The following EFNA5 variants were observed in gnomAD, a reference collection of about 807,000 sequenced individuals.
EFNA5 encodes the protein ephrin A5.
EFNA5 carries 5 observed loss-of-function variants against 22.9 expected under a neutral mutation model. The ratio of observed to expected loss-of-function variants is 0.22; its 90% CI spans 0.11 to 0.46. EFNA5 has a LOEUF of 0.46. Ranked by LOEUF, EFNA5 falls within the 20% of genes least tolerant of loss-of-function variation. EFNA5 has a pLI of 0.99. For synonymous variants in EFNA5, 113 were observed against 112.2 expected (o/e 1.01, Z -0.04); for missense variants, 237 against 293.3 (o/e 0.81, Z 1.40).
At chr5:107,468,705 T>G (rs1267356397) in intron 1 of EFNA5, among the ~76,000 whole-genome samples, 1 of 152,108 alleles carries the variant, frequency 6.6e-6, no homozygotes, top group Non-Finnish European at 1.5e-5. Flanking sequence ...ACATTAAAAC[T>G]CATGAAATTA....
chr5:107,610,454 A>T (rs1749804274), intron 1 of EFNA5, among the ~76,000 whole-genome samples: 1 of 152,178 alleles, frequency 6.6e-6, no homozygotes, highest in South Asian at 2.1e-4. Context: ...ATACAGCCAA[A>T]CACGTTACGT....
At chr5:107,587,995 AAAAG>A in intron 1 of EFNA5, among the ~76,000 whole-genome samples, 1 of 152,198 alleles carries the variant, frequency 6.6e-6, no homozygotes. Context: ...CAACGTGCAC[AAAAG>A]AAAGTAACTA....
chr5:107,554,898 C>T (rs779959867), intron 1 of EFNA5, among the ~76,000 whole-genome samples: 5 of 152,194 alleles, frequency 3.3e-5, no homozygotes, highest in African/African-American at 7.2e-5. Flanking sequence ...TTTACTACTA[C>T]GTTCTGCAAC....
At chr5:107,600,799 T>C (rs1749576112) in intron 1 of EFNA5, among the ~76,000 whole-genome samples, 1 of 152,164 alleles carries the variant, frequency 6.6e-6, no homozygotes, top group South Asian at 2.1e-4. Context: ...AAAATGTTTC[T>C]CTCTTAATAT....
chr5:107,662,274 AC>A (rs937063277), intron 1 of EFNA5, among the ~76,000 whole-genome samples: 1 of 152,158 alleles, frequency 6.6e-6, no homozygotes, highest in Non-Finnish European at 1.5e-5. Context: ...TACATCTACA[AC>A]CACCCAAAAT....
intron 1 of EFNA5, among the ~76,000 whole-genome samples, chr5:107,471,943 G>A (rs1750152249): frequency 6.6e-6 from 1 of 152,266 alleles, no homozygotes; most frequent in East Asian, 1.9e-4. Flanking sequence ...CATTTAATAA[G>A]TTATATCCAT....
intron 1 of EFNA5, among the ~76,000 whole-genome samples, chr5:107,595,400 C>T (rs1749452948): frequency 6.6e-6 from 1 of 151,752 alleles, no homozygotes; most frequent in African/African-American, 2.4e-5. Context: ...TACCAAACCC[C>T]AATAATTAAA....
At chr5:107,561,906 T>C (rs998442554) in intron 1 of EFNA5, among the ~76,000 whole-genome samples, 3 of 152,204 alleles carry the variant, frequency 2.0e-5, no homozygotes, top group African/African-American at 7.2e-5. Flanking sequence ...TAAGTGAATA[T>C]ATAAATATAT....
At chr5:107,426,950 G>T (rs867832125) in intron 2 of EFNA5, 9 of 375,572 alleles carry the variant, frequency 2.4e-5, no homozygotes, top group Middle Eastern at 6.2e-4. Context: ...AGAAGTCCTG[G>T]CAATTTTCAT....
chr5:107,640,577 C>T (rs1241655799), intron 1 of EFNA5, among the ~76,000 whole-genome samples: 4 of 152,108 alleles, frequency 2.6e-5, no homozygotes, highest in African/African-American at 4.8e-5. Flanking sequence ...GCCTGAGGGG[C>T]GAATCCTTAC....
intron 1 of EFNA5, among the ~76,000 whole-genome samples, chr5:107,569,549 A>G (rs1349718348): frequency 1.3e-4 from 16 of 122,608 alleles, no homozygotes; most frequent in Non-Finnish European, 1.7e-4. Context: ...ATATGTGTGT[A>G]TATATATATT....
chr5:107,417,659 G>C (rs1748537891), intron 2 of EFNA5, among the ~76,000 whole-genome samples: 1 of 152,168 alleles, frequency 6.6e-6, no homozygotes, highest in Non-Finnish European at 1.5e-5. Flanking sequence ...TTTGAGAATT[G>C]CTTCCCAAAA....
chr5:107,450,164 G>A (rs940876994), intron 1 of EFNA5, among the ~76,000 whole-genome samples: 5 of 152,188 alleles, frequency 3.3e-5, no homozygotes, highest in African/African-American at 9.7e-5. Flanking sequence ...GGGGAGTTGT[G>A]AGAGAGGGAA....
chr5:107,629,563 G>A lies in EFNA5; in HGVS notation c.125+40926C>T, dbSNP rs1750201157. ...ATTGTAACAAACGTACCACTGTGGTGAGGGATGTTGATAATGGGAGAAGCT... is the reference window on the plus strand; with the variant it reads ...ATTGTAACAAACGTACCACTGTGGTAAGGGATGTTGATAATGGGAGAAGCT... On this transcript the variant is annotated intron_variant, in intron 1 of 4. Transcript: ENST00000333274. Among the ~76,000 whole-genome samples, 3 of 152,332 alleles carry A rather than the reference G, an allele frequency of 2.0e-5. No homozygotes were observed. The South Asian group carries it at 6.2e-4, about 32-fold the overall frequency.
chr5:107,569,471 A>ATGTGTG (rs1336635418), intron 1 of EFNA5, among the ~76,000 whole-genome samples: 1 of 136,380 alleles, frequency 7.3e-6, no homozygotes, highest in African/African-American at 2.9e-5. Flanking sequence ...ATATTTATAT[A>ATGTGTG]TATGTGTATA....
At chr5:107,446,020 GTC>G (rs1164559898) in intron 1 of EFNA5, among the ~76,000 whole-genome samples, 1 of 152,196 alleles carries the variant, frequency 6.6e-6, no homozygotes, top group Non-Finnish European at 1.5e-5. Flanking sequence ...ATACACAGTT[GTC>G]TGCCTATCTT....
At chr5:107,615,229 A>G (rs994376188) in intron 1 of EFNA5, among the ~76,000 whole-genome samples, 9 of 152,152 alleles carry the variant, frequency 5.9e-5, no homozygotes, top group African/African-American at 2.2e-4. Context: ...AGACTAAAGT[A>G]GCATATTAAC....
At chr5:107,639,846 A>G (rs1305454237) in intron 1 of EFNA5, among the ~76,000 whole-genome samples, 1 of 152,202 alleles carries the variant, frequency 6.6e-6, no homozygotes, top group Non-Finnish European at 1.5e-5. Flanking sequence ...TAAACCGACA[A>G]TATTACTAAG....
chr5:107,613,580 T>C (rs150791318), intron 1 of EFNA5, among the ~76,000 whole-genome samples: 2 of 152,174 alleles, frequency 1.3e-5, no homozygotes. Context: ...AATTGATTGA[T>C]AGCTTTTTAA....
Sources: allele counts gnomAD v4.1 joint callset (sites outside exome capture counted in the v4.1 genomes callset), GRCh38; gene constraint gnomAD v4.1.1; transcripts MANE v1.5; gene names NCBI Gene and HGNC (gene_info 2026-07-23, HGNC 2026-07-21).